FAT3: variants seen among roughly 807,000 people sequenced by gnomAD.
FAT3 encodes the protein protocadherin Fat 3.
Under a neutral mutation model 310.2 loss-of-function variants are expected in FAT3, and 95 were observed. That is an observed-to-expected ratio of 0.31 (90% CI 0.26 to 0.36). FAT3 has a LOEUF of 0.36. FAT3 is among the 10% of genes least tolerant of loss of function. The probability of loss-of-function intolerance (pLI) is 1.00; values close to 1 mark genes in which losing one functional copy is unlikely to be tolerated. For synonymous variants in FAT3, 2,314 were observed against 2,192.9 expected (o/e 1.06, Z -1.54); for missense variants, 5,408 against 5,715.6 (o/e 0.95, Z 1.74).
chr11:92,521,753 A>C (rs1165162489), intron 2 of FAT3, among the ~76,000 whole-genome samples: 1 of 152,144 alleles, frequency 6.6e-6, no homozygotes, highest in Non-Finnish European at 1.5e-5. Context: ...CCTTATCTTT[A>C]AGAGATAATT....
intron 3 of FAT3, among the ~76,000 whole-genome samples, chr11:92,622,587 C>G (rs972206527): frequency 6.6e-6 from 1 of 152,114 alleles, no homozygotes; most frequent in Admixed American, 6.5e-5. Flanking sequence ...TGATAAGAAA[C>G]AAGATTGCTA....
At chr11:92,504,069 A>ATTG (rs1479282178) in intron 2 of FAT3, among the ~76,000 whole-genome samples, 1 of 152,136 alleles carries the variant, frequency 6.6e-6, no homozygotes, top group African/African-American at 2.4e-5. Flanking sequence ...TCCATCACAG[A>ATTG]TTGTGAATTA....
intron 3 of FAT3, among the ~76,000 whole-genome samples, chr11:92,535,093 A>G (rs1192555495): frequency 6.6e-6 from 1 of 152,148 alleles, no homozygotes; most frequent in Non-Finnish European, 1.5e-5. Flanking sequence ...ATAAGAGGGT[A>G]AGGTCAGAGA....
chr11:92,311,348 C>G (rs569740713), intron 1 of FAT3, among the ~76,000 whole-genome samples: 1 of 152,050 alleles, frequency 6.6e-6, no homozygotes, highest in Non-Finnish European at 1.5e-5. Context: ...TTATTGGGGA[C>G]GGAGATCCCT....
chr11:92,354,189 G>T lies in FAT3; in HGVS notation c.2077G>T (p.Ala693Ser), dbSNP rs755926119. The part of the protein sequence containing the change: ...CRETRVAQKL[A>S]EKLLIKAKAN... The stretch of plus-strand genomic sequence containing the variant: ...AGAAACTCGTGTGGCTCAAAAGCTG[G>T]CAGAGAAACTACTCATTAAGGCAAA... Residue 693 changes from alanine to serine, a missense_variant, in exon 2 of 28, where the codon GCA (alanine) becomes TCA (serine). Around this residue, in one of 5 missense-constraint regions of FAT3, gnomAD observed 4,588 missense variants for 4,809.8 expected, o/e 0.95. Transcript: ENST00000525166. 6.2e-7 allele frequency: 1 copy of T among 1,613,856 alleles called. No homozygotes were observed.
At chr11:92,690,372 T>C (rs533440551) in intron 3 of FAT3, among the ~76,000 whole-genome samples, 74 of 152,322 alleles carry the variant, frequency 4.9e-4, no homozygotes, top group African/African-American at 1.7e-3. Context: ...AAGTCCAACT[T>C]GCAGGCTTAA....
intron 1 of FAT3, among the ~76,000 whole-genome samples, chr11:92,268,059 A>G (rs1320941828): frequency 2.0e-5 from 3 of 152,042 alleles, no homozygotes; most frequent in Admixed American, 2.0e-4. Context: ...CTTCAAAAAA[A>G]AAAAAAAAAC....
rs1954242712 is a variant in FAT3 at position 92,535,921 on chromosome 11, G to T, written c.3607+10973G>T. Reference sequence around the variant, plus strand: ...GGATCTCATCAGTTTAATTCATTTTGTCATTTCTCAGTCTTTTAAAGCAAT... The same window carrying T: ...GGATCTCATCAGTTTAATTCATTTTTTCATTTCTCAGTCTTTTAAAGCAAT... On this transcript the variant is annotated intron_variant, in intron 3 of 27. Transcript: ENST00000525166. Among the ~76,000 whole-genome samples, 3 of 152,096 alleles carry T rather than the reference G, an allele frequency of 2.0e-5. No homozygotes were observed. The South Asian group carries it at 6.2e-4, about 32-fold the overall frequency.
At chr11:92,593,449 T>A (rs1196210985) in intron 3 of FAT3, among the ~76,000 whole-genome samples, 1 of 152,124 alleles carries the variant, frequency 6.6e-6, no homozygotes, top group Non-Finnish European at 1.5e-5. Context: ...TTTCTTTTTT[T>A]TTTTTAATAT....
At chr11:92,244,792 C>A (rs1464787507) in intron 1 of FAT3, among the ~76,000 whole-genome samples, 1 of 151,960 alleles carries the variant, frequency 6.6e-6, no homozygotes, top group Non-Finnish European at 1.5e-5. Context: ...TGATGATGAG[C>A]ATCATCTCAC....
intron 1 of FAT3, among the ~76,000 whole-genome samples, chr11:92,333,817 C>T (rs1189013087): frequency 6.6e-6 from 1 of 151,888 alleles, no homozygotes; most frequent in Non-Finnish European, 1.5e-5. Flanking sequence ...AGTTATATCT[C>T]ATACACAGGA....
intron 1 of FAT3, among the ~76,000 whole-genome samples, chr11:92,319,370 ATATAACACT>A (rs1272407642): frequency 1.0e-5 from 1 of 96,480 alleles, no homozygotes; most frequent in African/African-American, 1.7e-4. Flanking sequence ...GGTAGAATTC[ATATAACACT>A]GAATGATAGG....
chr11:92,590,713 C>A (rs1163026362), intron 3 of FAT3, among the ~76,000 whole-genome samples: 2 of 152,044 alleles, frequency 1.3e-5, no homozygotes, highest in Non-Finnish European at 2.9e-5. Flanking sequence ...TTTCAGTAAG[C>A]AAGGGTTTAT....
rs542934085 is a variant in FAT3, at chr11:92,353,084, C to G, written c.972C>G (p.Tyr324Ter). The change falls in exon 2 of 28, where the codon TAC becomes TAG. Residue 324 changes from tyrosine (Y) to a stop codon, truncating the protein, a stop_gained. Coordinates refer to ENST00000525166, the MANE Select transcript of FAT3 (RefSeq NM_001367949.2). LOFTEE classifies it high-confidence loss of function. ...LAKEGKWLNE[Y>*]KIKERKQIDW... Reference sequence around the variant, plus strand: ...AGGAAGGAAAGTGGTTGAATGAGTACAAGATTAAGGAGAGGAAGCAGATTG... The same window carrying G: ...AGGAAGGAAAGTGGTTGAATGAGTAGAAGATTAAGGAGAGGAAGCAGATTG... The G allele has an allele frequency of 1.9e-6, 3 of 1,613,580 alleles. No homozygotes were observed. The highest frequency in any genetic ancestry group is 2.2e-5 in the East Asian group (1 of 44,844).
intron 1 of FAT3, among the ~76,000 whole-genome samples, chr11:92,306,629 T>TA (rs1491305928): frequency 1.6e-5 from 2 of 124,818 alleles, no homozygotes; most frequent in African/African-American, 6.1e-5. Flanking sequence ...TTATATTATA[T>TA]TTATATTATA....
intron 2 of FAT3, among the ~76,000 whole-genome samples, chr11:92,442,035 A>G (rs1438757251): frequency 6.7e-6 from 1 of 148,598 alleles, no homozygotes; most frequent in Non-Finnish European, 1.5e-5. Context: ...GAAGCCCTAA[A>G]ATAAATGACT....
intron 18 of FAT3, 114 bp downstream of exon 18, chr11:92,840,873 C>G: frequency 1.0e-6 from 1 of 973,014 alleles, no homozygotes. Flanking sequence ...CATTACCATG[C>G]GGGAATGTTC....
intron 3 of FAT3, among the ~76,000 whole-genome samples, chr11:92,585,315 C>T (rs549165073): frequency 1.3e-5 from 2 of 152,072 alleles, no homozygotes; most frequent in South Asian, 4.1e-4. Flanking sequence ...GCCAGGACAT[C>T]TTAAGGTAAA....
At chr11:92,232,641 T>G (rs918619752) in intron 1 of FAT3, among the ~76,000 whole-genome samples, 8 of 145,310 alleles carry the variant, frequency 5.5e-5, no homozygotes, top group South Asian at 2.3e-4. Context: ...TTTTTTTTTT[T>G]TTTTTTTTTT....
Sources: gnomAD v4.1 joint callset for allele counts (sites outside exome capture counted in the v4.1 genomes callset) on GRCh38, gnomAD v4.1.1 for gene constraint, gnomAD v4.1.1 regional missense constraint, MANE v1.5 for transcripts, NCBI Gene and HGNC (gene_info 2026-07-23, HGNC 2026-07-21) for gene names.